LAT2: variants seen among roughly 807,000 people sequenced by gnomAD.
LAT2 encodes the protein linker for activation of T-cells family member 2.
Under a neutral mutation model 43.4 loss-of-function variants are expected in LAT2, and 23 were observed. The observed-to-expected ratio is 0.53, with a 90% CI of 0.38 to 0.75. The LOEUF is 0.75. Among genes scored for constraint, LAT2 ranks in the 30% least tolerant of loss-of-function variants. The probability of loss-of-function intolerance (pLI) is 0.00; values close to 1 mark genes in which losing one functional copy is unlikely to be tolerated. For missense variants in LAT2, 284 were observed against 310.2 expected, an observed-to-expected ratio of 0.92 and a Z score of 0.64; for synonymous variants, 128 against 123.2, an observed-to-expected ratio of 1.04 and a Z score of -0.26.
At position 74,219,618 on chromosome 7, in the gene LAT2, C is replaced by T. The variant is rs1467910217; in HGVS notation, c.135-126C>T. On this transcript the variant is annotated intron_variant, in intron 4 of 13. Transcript: ENST00000460943. ...AGGCCTGAAAGGGCAGCAGTTCCTCCCCACTGTCGCCCCAGTCCGTCCCTC... is the reference window on the plus strand; with the variant it reads ...AGGCCTGAAAGGGCAGCAGTTCCTCTCCACTGTCGCCCCAGTCCGTCCCTC... 1.4e-5 allele frequency: 16 copies of T among 1,134,626 alleles called. No homozygotes were observed. In the East Asian group the frequency reaches 3.8e-4, roughly 27 times the overall value. 70.3% of individuals were successfully genotyped at this position (1,134,626 alleles called of 1,614,324 possible).
At chr7:74,214,253 AAT>A (rs545297053) in intron 1 of LAT2, among the ~76,000 whole-genome samples, 5,530 of 60,390 alleles carry the variant, frequency 0.092, 535 homozygotes, top group East Asian at 0.13. Flanking sequence ...TATATATATA[AAT>A]ATATATATAT....
intron 4 of LAT2, among the ~76,000 whole-genome samples, chr7:74,218,178 C>G (rs1396740471): frequency 6.6e-6 from 1 of 152,196 alleles, no homozygotes; most frequent in Non-Finnish European, 1.5e-5. Context: ...GTGCCTGCCT[C>G]TCCATCTGTC....
chr7:74,213,089 G>A (rs1554713381), intron 1 of LAT2, among the ~76,000 whole-genome samples: 1 of 152,172 alleles, frequency 6.6e-6, no homozygotes. Flanking sequence ...AAGGCAGGAG[G>A]TAGGCAGCCT....
At chr7:74,215,561 C>G (rs797026055) in intron 2 of LAT2, among the ~76,000 whole-genome samples, 5 of 152,320 alleles carry the variant, frequency 3.3e-5, no homozygotes, top group African/African-American at 1.2e-4. Context: ...GGGCCTGAAT[C>G]CCATCTTTCC....
intron 1 of LAT2, among the ~76,000 whole-genome samples, chr7:74,214,384 A>G (rs1241952816): frequency 1.4e-5 from 1 of 72,776 alleles, no homozygotes; most frequent in Admixed American, 2.6e-4. Flanking sequence ...GAAAATATAT[A>G]TATAAATATA....
In LAT2 at chr7:74,224,120, CG is replaced by C. The variant is rs1563976218; in HGVS notation, c.553del (p.Glu185LysfsTer50). The C allele has an allele frequency of 6.2e-7, 1 of 1,614,176 alleles. No homozygotes were observed. The highest frequency in any genetic ancestry group is 8.5e-7 in the Non-Finnish European group (1 of 1,180,034). On this transcript the variant is annotated frameshift_variant, in exon 12 of 14. Transcript: ENST00000460943. LOFTEE classifies it high-confidence loss of function. The stretch of plus-strand genomic sequence containing the variant: ...TCTGGTCTCTGTCCCTCTGCCTCCC[CG>C]GAAGAAGATGAGGAATCTGAGGATT... ...PTSGLCPSAS[P>X]EEDEESEDYQ...
chr7:74,216,132 C>T (rs1211921202), intron 3 of LAT2, 63 bp downstream of exon 3: 7 of 1,384,526 alleles, frequency 5.1e-6, no homozygotes, highest in Non-Finnish European at 6.9e-6. Flanking sequence ...CAGAGGCCCT[C>T]TCAGGCCCAG....
intron 10 of LAT2, among the ~76,000 whole-genome samples, chr7:74,222,678 A>G (rs1401283062): frequency 6.6e-6 from 1 of 151,314 alleles, no homozygotes; most frequent in African/African-American, 2.4e-5. Flanking sequence ...GGTTCAAGCG[A>G]TTTTCCTGCC....
rs554294899 is a variant in LAT2 at position 74,224,538 on chromosome 7, C to T, written c.629-101C>T. On this transcript the variant is annotated intron_variant, in intron 12 of 13. Coordinates refer to ENST00000460943, the MANE Select transcript of LAT2 (RefSeq NM_032464.3). ...AGGACCTGTCGGGCGTGGCATTTCC[C>T]GCGGGCTGTTTTGTGGAGTCTGGGG... is the stretch of plus-strand genomic sequence containing the variant. The T allele has an allele frequency of 1.9e-4, 197 of 1,010,364 alleles. 3 individuals carry two copies. In the South Asian group the frequency reaches 2.5e-3, roughly 13 times the overall value. The allele number at this position is 1,010,364 out of a possible 1,614,324, so 62.6% of individuals were successfully genotyped here.
At chr7:74,223,464 G>A (rs1364389122) in intron 10 of LAT2, among the ~76,000 whole-genome samples, 2 of 152,152 alleles carry the variant, frequency 1.3e-5, no homozygotes, top group East Asian at 3.9e-4. Flanking sequence ...TCTCCAGCCT[G>A]GGTGACAGAG....
rs1485681461 is a variant in LAT2, at chr7:74,215,932, C to T, written c.-29-15C>T. ...GAAAAAGGGGCCCCTTGCTCACGGG[C>T]ACCTCCCATTTCAGCATCACAAGAG... On this transcript the variant is annotated splice_polypyrimidine_tract_variant and intron_variant, in intron 2 of 13. Transcript: ENST00000460943. 1.3e-6 allele frequency: 2 copies of T among 1,577,064 alleles called. No homozygotes were observed. The highest frequency in any genetic ancestry group is 1.3e-5 in the African/African-American group (1 of 74,176).
At chr7:74,225,026 G>T in intron 13 of LAT2, 1 of 305,652 alleles carries the variant, frequency 3.3e-6, no homozygotes, top group Non-Finnish European at 6.2e-6. Flanking sequence ...GCATCCTCCT[G>T]GCTGCGACCT....
At chr7:74,219,808 G>A (rs1291689430) in intron 5 of LAT2, 21 bp downstream of exon 5, 26 of 1,613,842 alleles carry the variant, frequency 1.6e-5, no homozygotes, top group East Asian at 2.2e-5. Flanking sequence ...AAGTGTCCCC[G>A]GGTTGGGCTC....
chr7:74,215,741 G>A (rs1208822386), intron 2 of LAT2, among the ~76,000 whole-genome samples: 1 of 152,192 alleles, frequency 6.6e-6, no homozygotes, highest in Non-Finnish European at 1.5e-5. Context: ...TATCAAGGGT[G>A]AAGATGGCCC....
At chr7:74,228,058 C>A (rs546162653) in intron 13 of LAT2, among the ~76,000 whole-genome samples, 1 of 149,712 alleles carries the variant, frequency 6.7e-6, no homozygotes, top group South Asian at 2.1e-4. Flanking sequence ...TGCCTGTAAT[C>A]CCAGCTACTC....
intron 9 of LAT2, among the ~76,000 whole-genome samples, chr7:74,221,410 C>CAAAAA (rs782694803): frequency 0.01 from 215 of 21,072 alleles, 20 homozygotes; most frequent in African/African-American, 0.027. Context: ...GACTCTGTCT[C>CAAAAA]AAAAAAAAAA....
chr7:74,222,724 C>A (rs1431169085), intron 10 of LAT2, among the ~76,000 whole-genome samples: 1 of 152,094 alleles, frequency 6.6e-6, no homozygotes, highest in Non-Finnish European at 1.5e-5. Flanking sequence ...CAGGCGCCTG[C>A]CACCACGCCT....
chr7:74,219,448 C>T (rs1283660689), intron 4 of LAT2, among the ~76,000 whole-genome samples: 1 of 152,220 alleles, frequency 6.6e-6, no homozygotes, highest in East Asian at 1.9e-4. Context: ...CTGGGACCCA[C>T]CGGCAGGATG....
At chr7:74,215,833 G>A (rs1239840372) in intron 2 of LAT2, 114 bp from the exon 3 acceptor site, 1 of 740,626 alleles carries the variant, frequency 1.4e-6, no homozygotes, top group Non-Finnish European at 2.4e-6. Context: ...GCGGGGAGGG[G>A]AGGTGGTGTT....
Sources: allele counts gnomAD v4.1 joint callset (sites outside exome capture counted in the v4.1 genomes callset), GRCh38; gene constraint gnomAD v4.1.1; transcripts MANE v1.5; gene names NCBI Gene and HGNC (gene_info 2026-07-23, HGNC 2026-07-21).